PRDM2: variants seen among roughly 807,000 people sequenced by gnomAD.
The protein encoded by PRDM2 is PR/SET domain 2, also known as PR domain zinc finger protein 2.
Under a neutral mutation model 130.0 loss-of-function variants are expected in PRDM2, and 30 were observed. That is an observed-to-expected ratio of 0.23 (90% CI 0.17 to 0.31). The LOEUF is 0.31. Among genes scored for constraint, PRDM2 ranks in the 10% least tolerant of loss-of-function variants. PRDM2 has a pLI of 1.00. For missense variants in PRDM2, 2,011 were observed against 2,108.4 expected, an observed-to-expected ratio of 0.95 and a Z score of 0.90; for synonymous variants, 871 against 782.4, an observed-to-expected ratio of 1.11 and a Z score of -1.89.
At chr1:13,767,836 A>G (rs1644264051) in intron 6 of PRDM2, among the ~76,000 whole-genome samples, 1 of 152,022 alleles carries the variant, frequency 6.6e-6, no homozygotes. Context: ...TTAGTCAGGC[A>G]TGGTATCACA....
In PRDM2 at chr1:13,752,136, C is replaced by G. The variant is rs186537018; in HGVS notation, c.511+2649C>G. Among the ~76,000 whole-genome samples the G allele has an allele frequency of 1.2e-3, 185 of 152,334 alleles. 1 individual carries two copies. Among genetic ancestry groups the G allele is most frequent in the Non-Finnish European group, 2.3e-3 (155 of 68,026 alleles). ...AGTAAATAGCTGATCAGTGCCTAGA[C>G]AGTTGGCATGTAGTAGGCCCTCAAT... On this transcript the variant is annotated intron_variant, in intron 6 of 9. Transcript: ENST00000311066.
At position 13,779,559 on chromosome 1, in the gene PRDM2, G is replaced by A. The variant is rs747411763; in HGVS notation, c.1764G>A (p.Met588Ile). ...CTAGTAACTGTGATGTGATTGAGAT[G>A]GAGTCTGCTTCGGCAGATTTGTATG... ...NNTSNCDVIE[M>I]ESASADLYGI... The change falls in exon 8 of 10, where the codon ATG becomes ATA. Residue 588 changes from methionine (M) to isoleucine (I), a missense_variant. Around this residue, in one of 5 missense-constraint regions of PRDM2, gnomAD observed 1,288 missense variants for 1,237.7 expected, o/e 1.04. Coordinates refer to ENST00000311066, the MANE Select transcript of PRDM2 (RefSeq NM_001393986.1). The surrounding 1 kb of genome is among the most constrained non-coding windows in gnomAD (Gnocchi z 4.9). 2.4e-5 allele frequency: 38 copies of A among 1,614,024 alleles called. No individual in the cohort carries two copies. Among genetic ancestry groups the A allele is most frequent in the Non-Finnish European group, 3.1e-5 (36 of 1,179,996 alleles).
intron 1 of PRDM2, among the ~76,000 whole-genome samples, chr1:13,708,210 A>G (rs1183941331): frequency 6.6e-6 from 1 of 151,990 alleles, no homozygotes; most frequent in Non-Finnish European, 1.5e-5. Flanking sequence ...AAGTAAAGGA[A>G]GAGTTATTCT....
intron 8 of PRDM2, among the ~76,000 whole-genome samples, chr1:13,802,407 G>A (rs942230904): frequency 6.6e-6 from 1 of 152,176 alleles, no homozygotes; most frequent in Non-Finnish European, 1.5e-5. Context: ...GCCACAGGGA[G>A]CAGCTGCCTC....
chr1:13,736,472 C>T (rs1372082356), intron 4 of PRDM2, among the ~76,000 whole-genome samples: 1 of 152,100 alleles, frequency 6.6e-6, no homozygotes, highest in Non-Finnish European at 1.5e-5. Flanking sequence ...GTATACCATT[C>T]ATGATTTATT....
Position 13,780,867 on chromosome 1 carries a change from C to A in PRDM2, c.3072C>A (p.Ser1024=), listed in dbSNP as rs201159684. The A allele has an allele frequency of 2.5e-6, 4 of 1,612,048 alleles. No individual in the cohort carries two copies. In the East Asian group the frequency reaches 8.9e-5, roughly 36 times the overall value. The change falls in exon 8 of 10, where the codon TCC becomes TCA. Residue 1024 remains serine, a synonymous_variant. Coordinates refer to ENST00000311066, the MANE Select transcript of PRDM2 (RefSeq NM_001393986.1). ...ATAQSPLPIL[S]PTVSPSPSPI... Reference sequence around the variant, plus strand: ...CACAGTCCCCACTTCCAATTCTGTCCCCAACAGTGTCCCCCTCTCCCTCTC... The same window carrying A: ...CACAGTCCCCACTTCCAATTCTGTCACCAACAGTGTCCCCCTCTCCCTCTC...
chr1:13,797,440 G>A (rs752804426), intron 8 of PRDM2, among the ~76,000 whole-genome samples: 12 of 152,162 alleles, frequency 7.9e-5, no homozygotes, highest in African/African-American at 9.7e-5. Flanking sequence ...AATATATGCC[G>A]TGCCAGATTA....
chr1:13,786,536 CCAAAA>C (rs1169824127), intron 8 of PRDM2: 1 of 1,609,832 alleles, frequency 6.2e-7, no homozygotes, highest in South Asian at 1.1e-5. Context: ...AGAAAAGCCC[CCAAAA>C]CAAAACAAAC....
intron 8 of PRDM2, among the ~76,000 whole-genome samples, chr1:13,811,532 C>T (rs569707682): frequency 6.6e-6 from 1 of 152,320 alleles, no homozygotes; most frequent in East Asian, 1.9e-4. Flanking sequence ...ACCATGTTTC[C>T]TCCACCTGCA....
intron 8 of PRDM2, among the ~76,000 whole-genome samples, chr1:13,791,839 T>G (rs1253702985): frequency 6.6e-6 from 1 of 152,246 alleles, no homozygotes; most frequent in Non-Finnish European, 1.5e-5. Flanking sequence ...TGCACATGCC[T>G]GCATTTCTGC....
chr1:13,769,552 C>T (rs904867541), intron 6 of PRDM2, among the ~76,000 whole-genome samples: 1 of 152,176 alleles, frequency 6.6e-6, no homozygotes, highest in Admixed American at 6.5e-5. Context: ...CCCTTCATCT[C>T]TAGTCCAAGG....
chr1:13,728,203 C>A (rs866936352), intron 2 of PRDM2, among the ~76,000 whole-genome samples: 1 of 152,118 alleles, frequency 6.6e-6, no homozygotes, highest in Admixed American at 6.5e-5. Context: ...ATTTAAGTGA[C>A]AACAAACATT....
intron 8 of PRDM2, among the ~76,000 whole-genome samples, chr1:13,814,865 C>T (rs866073137): frequency 3.9e-5 from 6 of 152,214 alleles, no homozygotes; most frequent in South Asian, 2.1e-4. Context: ...CCCACCTCCT[C>T]TGACCTGGGC....
chr1:13,723,412 C>T (rs1642798450), intron 2 of PRDM2, among the ~76,000 whole-genome samples: 1 of 152,178 alleles, frequency 6.6e-6, no homozygotes, highest in African/African-American at 2.4e-5. Context: ...ACACTTGCTG[C>T]TAATATGTGC....
Position 13,823,159 on chromosome 1 carries a change from CA to C in PRDM2, c.*25del. On this transcript the variant is annotated splice_region_variant and 3_prime_UTR_variant, in exon 10 of 10. Transcript: ENST00000311066. Reference sequence around the variant, plus strand: ...ATTTTTATTTTCTTTTTCTCCTCAGCACCTGAAGTGACCTGGAATCAGTGAA... The same window carrying C: ...ATTTTTATTTTCTTTTTCTCCTCAGCCCTGAAGTGACCTGGAATCAGTGAA... The C allele has an allele frequency of 6.2e-7, 1 of 1,612,778 alleles. No homozygotes were observed. Among genetic ancestry groups the C allele is most frequent in the Non-Finnish European group, 8.5e-7 (1 of 1,179,134 alleles).
chr1:13,783,051 T>G lies in PRDM2; in HGVS notation c.5036+220T>G. ...CTTAGGACTCACAAAGCAGTGCCAC[T>G]TCTTTAATGTGGCCAGATGTAAATT... On this transcript the variant is annotated intron_variant, in intron 8 of 9. Transcript: ENST00000311066. 4 of 1,047,670 alleles carry G rather than the reference T, an allele frequency of 3.8e-6. No homozygotes were observed. The South Asian group carries it at 5.8e-5, about 15-fold the overall frequency. 64.9% of individuals were successfully genotyped at this position (1,047,670 alleles called of 1,614,324 possible).
At position 13,780,094 on chromosome 1, in the gene PRDM2, G is replaced by A. The variant is rs200363632; in HGVS notation, c.2299G>A (p.Gly767Arg). ...SDGKAAWTDA[G>R]LTSKKSKLES... ...TGGGAAAGCAGCATGGACCGATGCC[G>A]GGCTGACTTCCAAAAAATCCAAATT... Residue 767 changes from glycine (G) to arginine (R), a missense_variant, in exon 8 of 10, where the codon GGG becomes AGG. Transcript: ENST00000311066. The A allele has an allele frequency of 2.1e-5, 34 of 1,612,734 alleles. No individual in the cohort carries two copies. Among genetic ancestry groups the A allele is most frequent in the East Asian group, 1.8e-4 (8 of 44,862 alleles).
chr1:13,811,005 G>A (rs915624470), intron 8 of PRDM2, among the ~76,000 whole-genome samples: 94 of 149,776 alleles, frequency 6.3e-4, no homozygotes, highest in Middle Eastern at 3.4e-3. Context: ...CCAACATGGT[G>A]AAACCCCGTC....
intron 8 of PRDM2, chr1:13,786,456 G>T: frequency 6.3e-7 from 1 of 1,582,484 alleles, no homozygotes; most frequent in Non-Finnish European, 8.6e-7. Context: ...TCTTTAACAT[G>T]GTCAATCATG....
Sources: allele counts gnomAD v4.1 joint callset (sites outside exome capture counted in the v4.1 genomes callset), GRCh38; gene constraint gnomAD v4.1.1; regional missense constraint gnomAD v4.1.1; non-coding constraint Gnocchi (gnomAD v3.1); transcripts MANE v1.5; gene names NCBI Gene and HGNC (gene_info 2026-07-23, HGNC 2026-07-21).